Variants in ADGRG3 observed in about 807,000 individuals in gnomAD.
ADGRG3 encodes adhesion G protein-coupled receptor G3.
Under a neutral mutation model 54.3 loss-of-function variants are expected in ADGRG3, and 39 were observed. That is an observed-to-expected ratio of 0.72 (90% CI 0.56 to 0.94). The LOEUF (loss-of-function observed/expected upper bound fraction) is 0.94. Among genes scored for constraint, ADGRG3 ranks in the 40% least tolerant of loss-of-function variants. The pLI, the probability that ADGRG3 is intolerant of heterozygous loss-of-function variation, is 0.00. For missense variants in ADGRG3, 654 were observed against 694.6 expected (o/e 0.94, Z 0.66); for synonymous variants, 312 against 290.0 (o/e 1.08, Z -0.77).
At chr16:57,686,342 G>A (rs1247164859) in intron 11 of ADGRG3, among the ~76,000 whole-genome samples, 2 of 152,112 alleles carry the variant, frequency 1.3e-5, no homozygotes, top group East Asian at 1.9e-4. Context: ...TTTAAACAGC[G>A]AGATCTCGCA....
chr16:57,672,245 G>A (rs941874405), intron 1 of ADGRG3, among the ~76,000 whole-genome samples: 29 of 152,020 alleles, frequency 1.9e-4, no homozygotes, highest in African/African-American at 6.5e-4. Flanking sequence ...ACGATGTATC[G>A]GCAGGGCTTG....
chr16:57,679,046 T>C (rs1276428716), intron 4 of ADGRG3, 131 bp from the exon 5 acceptor site: 2 of 1,059,010 alleles, frequency 1.9e-6, no homozygotes, highest in Non-Finnish European at 2.7e-6. Flanking sequence ...CTTGGCTCCC[T>C]GGTCCCCTGG....
At chr16:57,674,600 G>A (rs759094283) in intron 2 of ADGRG3, 2 of 455,766 alleles carry the variant, frequency 4.4e-6, no homozygotes, top group South Asian at 3.1e-5. Context: ...TGATCCAGGA[G>A]CTTCTTAGCA....
intron 10 of ADGRG3, 55 bp downstream of exon 10, chr16:57,684,538 G>T: frequency 6.8e-6 from 9 of 1,324,578 alleles, no homozygotes; most frequent in Non-Finnish European, 8.7e-6. Flanking sequence ...TACACATATT[G>T]GGGCTGGAGA....
chr16:57,681,763 A>G (rs1047272199), intron 8 of ADGRG3, among the ~76,000 whole-genome samples: 1 of 149,874 alleles, frequency 6.7e-6, no homozygotes, highest in Non-Finnish European at 1.5e-5. Context: ...GAGAGAGAGA[A>G]AGAAAATATA....
chr16:57,677,315 G>T (rs1318577807), intron 3 of ADGRG3, among the ~76,000 whole-genome samples: 1 of 152,220 alleles, frequency 6.6e-6, no homozygotes, highest in Non-Finnish European at 1.5e-5. Context: ...GGGCACAGTG[G>T]CTCACGCCTG....
chr16:57,674,958 T>G (rs1443929417), intron 2 of ADGRG3, among the ~76,000 whole-genome samples: 5 of 127,774 alleles, frequency 3.9e-5, no homozygotes, highest in Admixed American at 3.0e-4. Flanking sequence ...ATCACTCCAC[T>G]GCACTCCAGC....
chr16:57,683,022 A>T (rs983927407), intron 8 of ADGRG3, among the ~76,000 whole-genome samples: 14 of 152,248 alleles, frequency 9.2e-5, no homozygotes, highest in Non-Finnish European at 1.5e-5. Flanking sequence ...AGCTCAGGCT[A>T]AGGGGCATTC....
At chr16:57,668,883 T>C (rs1477718829) in intron 1 of ADGRG3, among the ~76,000 whole-genome samples, 2 of 152,108 alleles carry the variant, frequency 1.3e-5, no homozygotes, top group Non-Finnish European at 2.9e-5. Context: ...CGGCTCCCTC[T>C]CCCAGTCTCA....
chr16:57,670,717 A>G (rs1439992941), intron 1 of ADGRG3, among the ~76,000 whole-genome samples: 1 of 152,306 alleles, frequency 6.6e-6, no homozygotes, highest in Middle Eastern at 3.4e-3. Context: ...ATCTAAAACG[A>G]ATTATCACAT....
chr16:57,665,889 C>T (rs1311751800), upstream of ADGRG3, among the ~76,000 whole-genome samples: 5 of 152,190 alleles, frequency 3.3e-5, no homozygotes, highest in African/African-American at 7.2e-5. Context: ...CTCTGAGGGG[C>T]GTGAATGTGG....
At position 57,680,564 on chromosome 16, in the gene ADGRG3, T is replaced by C; in HGVS notation, c.828T>C (p.Cys276=). The C allele has an allele frequency of 6.2e-7, 1 of 1,613,964 alleles. No homozygotes were observed. Among genetic ancestry groups the C allele is most frequent in the Non-Finnish European group, 8.5e-7 (1 of 1,179,968 alleles). ...HILTRISQAG[C]GVSMIFLAFT... ...TCACACGCATCTCCCAGGCGGGCTG[T>C]GGGGTCTCCATGATCTTCCTGGCCT... Residue 276 remains cysteine, a synonymous_variant, in exon 8 of 12, where the codon TGT becomes TGC. Transcript: ENST00000333493.
chr16:57,673,293 A>G, intron 1 of ADGRG3, 28 bp from the exon 2 acceptor site: 1 of 1,597,692 alleles, frequency 6.3e-7, no homozygotes, highest in Non-Finnish European at 8.6e-7. Flanking sequence ...CGTCCAGCCC[A>G]TTCACACTCT....
At chr16:57,667,245 TC>T (rs1362676174), upstream of ADGRG3, among the ~76,000 whole-genome samples, 1 of 152,188 alleles carries the variant, frequency 6.6e-6, no homozygotes, top group Non-Finnish European at 1.5e-5. Context: ...CCCAGTTCAA[TC>T]CCAAGGCTGA....
chr16:57,678,775 A>T (rs1160720288), intron 4 of ADGRG3: 1 of 320,480 alleles, frequency 3.1e-6, no homozygotes, highest in Non-Finnish European at 5.9e-6. Context: ...TGTACCCCTG[A>T]GGGCTAGTGT....
At chr16:57,668,569 C>T (rs1340819663) in intron 1 of ADGRG3, among the ~76,000 whole-genome samples, 164 bp downstream of exon 1, 6 of 152,340 alleles carry the variant, frequency 3.9e-5, no homozygotes, top group African/African-American at 1.4e-4. Context: ...CTTCTCTAGC[C>T]CTGTCCCTTT....
intron 2 of ADGRG3, 35 bp from the exon 3 acceptor site, chr16:57,676,165 G>C: frequency 6.2e-7 from 1 of 1,605,160 alleles, no homozygotes; most frequent in Non-Finnish European, 8.5e-7. Context: ...CAGCCTGCAG[G>C]ATCCTACCCT....
At chr16:57,684,331 G>T in intron 9 of ADGRG3, 59 bp from the exon 10 acceptor site, 1 of 1,566,954 alleles carries the variant, frequency 6.4e-7, no homozygotes, top group Non-Finnish European at 8.8e-7. Flanking sequence ...TGGAGGGGAC[G>T]TGGAGGAGGA....
At chr16:57,667,230 G>A (rs568424545), upstream of ADGRG3, among the ~76,000 whole-genome samples, 6 of 152,348 alleles carry the variant, frequency 3.9e-5, no homozygotes, top group South Asian at 1.2e-3. Context: ...GGGGCTGAGC[G>A]GCTCCCCAGT....
Sources: gnomAD v4.1 joint callset for allele counts (sites outside exome capture counted in the v4.1 genomes callset) on GRCh38, gnomAD v4.1.1 for gene constraint, MANE v1.5 for transcripts, NCBI Gene and HGNC (gene_info 2026-07-23, HGNC 2026-07-21) for gene names.